The following SORL1 variants were observed in gnomAD, a reference collection of about 807,000 sequenced individuals.
SORL1 encodes sortilin-related receptor.
Under a neutral mutation model 273.7 loss-of-function variants are expected in SORL1, and 127 were observed. The observed-to-expected ratio is 0.46, with a 90% CI of 0.40 to 0.54. SORL1 has a LOEUF of 0.54. Ranked by LOEUF, SORL1 falls within the 20% of genes least tolerant of loss-of-function variation. The pLI, the probability that SORL1 is intolerant of heterozygous loss-of-function variation, is 0.00. For synonymous variants in SORL1, 1,031 were observed against 1,067.4 expected (o/e 0.97, Z 0.66); for missense variants, 2,494 against 2,846.1 (o/e 0.88, Z 2.81).
chr11:121,523,032 C>T (rs762832969), intron 11 of SORL1, 43 bp downstream of exon 11: 2 of 1,305,192 alleles, frequency 1.5e-6, no homozygotes, highest in Non-Finnish European at 2.2e-6. Flanking sequence ...CCCTCATTCC[C>T]ATTTGTGTGA....
intron 23 of SORL1, among the ~76,000 whole-genome samples, chr11:121,573,419 C>T (rs909437155): frequency 3.9e-5 from 6 of 152,112 alleles, no homozygotes; most frequent in Non-Finnish European, 5.9e-5. Flanking sequence ...CAAGACCATC[C>T]TGGCCAACAT....
chr11:121,600,814 C>T (rs574868045), intron 32 of SORL1, among the ~76,000 whole-genome samples: 3 of 152,282 alleles, frequency 2.0e-5, no homozygotes, highest in African/African-American at 4.8e-5. Context: ...TGTTAATCAT[C>T]GGTTAATTAT....
intron 21 of SORL1, among the ~76,000 whole-genome samples, chr11:121,564,469 G>A (rs1243266100): frequency 6.6e-6 from 1 of 152,148 alleles, no homozygotes; most frequent in Non-Finnish European, 1.5e-5. Flanking sequence ...TGTTTGGATA[G>A]GAATATTTGC....
chr11:121,523,359 G>A lies in SORL1; in HGVS notation c.1596+370G>A, dbSNP rs1391756873. ...AGCAAATTATAGCGTAGTGGTATTA[G>A]CCCTGAAATGGGCTGCTATTATTAT... On this transcript the variant is annotated intron_variant, in intron 11 of 47. Transcript: ENST00000260197. Among the ~76,000 whole-genome samples the A allele has an allele frequency of 2.0e-5, 3 of 152,054 alleles. No homozygotes were observed. In the East Asian group the frequency reaches 5.8e-4, roughly 29 times the overall value.
rs146438170 is a variant in SORL1, at chr11:121,550,652, G to A, written c.2248G>A (p.Val750Ile). ...TGAAGCGCGACTGGAAGGAGAGCTG[G>A]TCCCCTGTCCCCTGGCAGGTAAGAG... ...DVEARLEGELVPCPLAEENEF... is the reference protein window; with the variant it reads ...DVEARLEGELIPCPLAEENEF... The change falls in exon 16 of 48, where the codon GTC (valine) becomes ATC (isoleucine). Residue 750 changes from valine (V) to isoleucine (I), a missense_variant. By Grantham distance (29) the Val-to-Ile change is conservative. This residue lies in a region of SORL1 where 710 missense variants were observed against 882.5 expected (regional missense o/e 0.80). Transcript: ENST00000260197. The surrounding 1 kb of genome is among the most constrained non-coding windows in gnomAD (Gnocchi z 5.3). 1,253 of 1,613,730 alleles carry A rather than the reference G, an allele frequency of 7.8e-4. 1 individual carries two copies. Among genetic ancestry groups the A allele is most frequent in the Middle Eastern group, 2.1e-3 (13 of 6,062 alleles).
intron 41 of SORL1, among the ~76,000 whole-genome samples, chr11:121,618,388 G>A (rs1341518916): frequency 2.6e-5 from 4 of 152,116 alleles, no homozygotes; most frequent in African/African-American, 4.8e-5. Context: ...TGGAGCCCAC[G>A]TCTGTGCTGC....
intron 16 of SORL1, among the ~76,000 whole-genome samples, chr11:121,552,084 A>G (rs1862515201): frequency 6.6e-6 from 1 of 152,180 alleles, no homozygotes; most frequent in African/African-American, 2.4e-5. Context: ...AGAACAGGGA[A>G]CGAAGTGGAG....
intron 21 of SORL1, among the ~76,000 whole-genome samples, chr11:121,562,779 T>G (rs186973496): frequency 6.6e-6 from 1 of 152,338 alleles, no homozygotes; most frequent in African/African-American, 2.4e-5. Flanking sequence ...AAAAAAATCT[T>G]ACACCGAGTT....
intron 1 of SORL1, among the ~76,000 whole-genome samples, chr11:121,454,064 C>T (rs1860860738): frequency 6.6e-6 from 1 of 152,260 alleles, no homozygotes; most frequent in Non-Finnish European, 1.5e-5. Flanking sequence ...CTCAGTTCCT[C>T]TTGGGCCCAG....
At chr11:121,485,684 G>C (rs1861463204) in intron 3 of SORL1, among the ~76,000 whole-genome samples, 1 of 152,218 alleles carries the variant, frequency 6.6e-6, no homozygotes, top group Non-Finnish European at 1.5e-5. Flanking sequence ...TTTTCAAATT[G>C]AGGATGCTTC....
At chr11:121,480,691 A>C (rs58750677) in intron 3 of SORL1, among the ~76,000 whole-genome samples, 4 of 117,624 alleles carry the variant, frequency 3.4e-5, no homozygotes, top group South Asian at 2.8e-4. Context: ...AGATACCTAT[A>C]GGCAGGCTCC....
At chr11:121,543,376 G>A (rs1438782357) in intron 12 of SORL1, among the ~76,000 whole-genome samples, 172 bp from the exon 13 acceptor site, 1 of 152,000 alleles carries the variant, frequency 6.6e-6, no homozygotes, top group Non-Finnish European at 1.5e-5. Flanking sequence ...GTGTTCTTTT[G>A]AGATGACTGC....
At chr11:121,628,085 G>A (rs1254956205) in intron 47 of SORL1, among the ~76,000 whole-genome samples, 1 of 152,188 alleles carries the variant, frequency 6.6e-6, no homozygotes, top group Non-Finnish European at 1.5e-5. Context: ...CCTTCACTGA[G>A]CTGGAGGTCT....
intron 8 of SORL1, 144 bp downstream of exon 8, chr11:121,514,465 C>T (rs1861922821): frequency 3.9e-6 from 3 of 764,608 alleles, no homozygotes; most frequent in East Asian, 2.7e-5. Flanking sequence ...CTCACGTGCG[C>T]AGAGATCACC....
intron 44 of SORL1, among the ~76,000 whole-genome samples, chr11:121,621,822 C>T (rs934186052): frequency 2.0e-5 from 3 of 152,260 alleles, no homozygotes; most frequent in Non-Finnish European, 2.9e-5. Flanking sequence ...GCCATTGTCA[C>T]TCCAGTGTCC....
At chr11:121,620,422 G>A (rs1376569326) in intron 43 of SORL1, among the ~76,000 whole-genome samples, 2 of 152,098 alleles carry the variant, frequency 1.3e-5, no homozygotes, top group Admixed American at 6.5e-5. Context: ...AAGGAGCATT[G>A]ATCCTAAACA....
chr11:121,618,662 C>T (rs1011489265), intron 41 of SORL1, 112 bp from the exon 42 acceptor site: 2 of 1,306,082 alleles, frequency 1.5e-6, no homozygotes, highest in Non-Finnish European at 2.1e-6. Flanking sequence ...TGAATGAAGA[C>T]TTCTCTGTGA....
intron 27 of SORL1, among the ~76,000 whole-genome samples, chr11:121,587,009 C>T (rs183207844): frequency 1.0e-3 from 156 of 152,222 alleles, no homozygotes; most frequent in African/African-American, 3.6e-3. Context: ...CAGTCCCTAA[C>T]CTGCTCTATT....
At chr11:121,471,603 A>G (rs1329413379) in intron 2 of SORL1, among the ~76,000 whole-genome samples, 5 of 152,182 alleles carry the variant, frequency 3.3e-5, no homozygotes, top group Non-Finnish European at 7.3e-5. Flanking sequence ...ATTTGCCAGC[A>G]CTTTCACACT....
Sources: allele counts gnomAD v4.1 joint callset (sites outside exome capture counted in the v4.1 genomes callset), GRCh38; gene constraint gnomAD v4.1.1; regional missense constraint gnomAD v4.1.1; non-coding constraint Gnocchi (gnomAD v3.1); transcripts MANE v1.5; gene names NCBI Gene and HGNC (gene_info 2026-07-23, HGNC 2026-07-21).